Variants in SMIM35 observed in about 807,000 individuals in gnomAD.
The protein encoded by SMIM35 is small integral membrane protein 35.
At chr11:118,086,267 T>A (rs1380406607) in intron 1 of SMIM35, among the ~76,000 whole-genome samples, 1 of 152,238 alleles carries the variant, frequency 6.6e-6, no homozygotes, top group Non-Finnish European at 1.5e-5. Context: ...AACAGCAGGC[T>A]GGCAGGGGAT....
intron 1 of SMIM35, among the ~76,000 whole-genome samples, chr11:118,056,808 G>A (rs567198130): frequency 6.6e-6 from 1 of 152,318 alleles, no homozygotes; most frequent in East Asian, 1.9e-4. Flanking sequence ...AGGCAAGCGA[G>A]ATCATTTAAC....
intron 1 of SMIM35, among the ~76,000 whole-genome samples, chr11:118,052,351 G>A (rs1034047931): frequency 6.6e-6 from 1 of 152,130 alleles, no homozygotes; most frequent in African/African-American, 2.4e-5. Flanking sequence ...TGCAAGCGGG[G>A]AGCTGCTGAG....
At chr11:118,051,122 G>T (rs750408986) in intron 1 of SMIM35, among the ~76,000 whole-genome samples, 1 of 152,188 alleles carries the variant, frequency 6.6e-6, no homozygotes, top group African/African-American at 2.4e-5. Context: ...AGTGGATATC[G>T]GAGGCATTGT....
In SMIM35 at chr11:118,064,023, G is replaced by A. The variant is rs558767323; in HGVS notation, c.7+22728C>T. Reference sequence around the variant, plus strand: ...CCAGAGGCCTAGATTTGTAACTGGTGGGAAGGGAGTTGCGGTCTTGTGGCA... The same window carrying A: ...CCAGAGGCCTAGATTTGTAACTGGTAGGAAGGGAGTTGCGGTCTTGTGGCA... On this transcript the variant is annotated intron_variant, in intron 1 of 4. Transcript: ENST00000689828. Among the ~76,000 whole-genome samples the A allele has an allele frequency of 7.2e-5, 11 of 152,334 alleles. No individual in the cohort carries two copies. In the South Asian group the frequency reaches 2.1e-3, roughly 29 times the overall value.
chr11:118,068,159 A>G (rs1029473042), intron 1 of SMIM35, among the ~76,000 whole-genome samples: 2 of 151,940 alleles, frequency 1.3e-5, no homozygotes, highest in Non-Finnish European at 2.9e-5. Flanking sequence ...TCCCAGCACC[A>G]AGCTGCCACA....
chr11:118,066,656 G>A (rs1455622246), intron 1 of SMIM35, among the ~76,000 whole-genome samples: 1 of 151,998 alleles, frequency 6.6e-6, no homozygotes, highest in East Asian at 1.9e-4. Context: ...ACTAACATCA[G>A]GAGACTTGAG....
At chr11:118,085,442 C>T (rs1945473341) in intron 1 of SMIM35, among the ~76,000 whole-genome samples, 2 of 152,076 alleles carry the variant, frequency 1.3e-5, no homozygotes, top group Non-Finnish European at 2.9e-5. Flanking sequence ...CCAGGCTGGT[C>T]TCAAACTCCT....
chr11:118,058,412 G>A (rs565970206), intron 1 of SMIM35, among the ~76,000 whole-genome samples: 1 of 152,286 alleles, frequency 6.6e-6, no homozygotes, highest in South Asian at 2.1e-4. Flanking sequence ...ATGGACCCAA[G>A]GCGGGAGGGG....
chr11:118,076,201 G>T (rs1179230861), intron 1 of SMIM35, among the ~76,000 whole-genome samples: 2 of 152,224 alleles, frequency 1.3e-5, no homozygotes, highest in African/African-American at 2.4e-5. Context: ...GAACCTGGGA[G>T]GTGGAGGTTG....
At position 118,005,391 on chromosome 11, in the gene SMIM35, A is replaced by T. The variant is rs966518202; in HGVS notation, c.*1019T>A. The T allele has an allele frequency of 6.6e-6, 1 of 152,318 alleles. No homozygotes were observed. Among genetic ancestry groups the T allele is most frequent in the East Asian group, 1.9e-4 (1 of 5,184 alleles). The allele number at this position is 152,318 out of a possible 1,614,324, so 9.4% of individuals were successfully genotyped here. A position where few individuals can be genotyped will look rare whatever the true frequency, so the allele number is the denominator to read the frequency against. On this transcript the variant is annotated 3_prime_UTR_variant, in exon 5 of 5. Transcript: ENST00000689828. Reference sequence around the variant, plus strand: ...CACTGCCCCCTACTTGTTATCACCCAGTCCACACCTTTAAGTGTTATCTGG... The same window carrying T: ...CACTGCCCCCTACTTGTTATCACCCTGTCCACACCTTTAAGTGTTATCTGG...
chr11:118,082,980 A>T (rs1314748656), intron 1 of SMIM35, among the ~76,000 whole-genome samples: 2 of 152,164 alleles, frequency 1.3e-5, no homozygotes, highest in Non-Finnish European at 2.9e-5. Context: ...TATGGGACAC[A>T]GAGAGAAAAA....
At chr11:118,068,493 C>T (rs1431336872) in intron 1 of SMIM35, among the ~76,000 whole-genome samples, 2 of 152,274 alleles carry the variant, frequency 1.3e-5, no homozygotes, top group South Asian at 2.1e-4. Context: ...CGCTCGTAAA[C>T]GTTGGATGAA....
chr11:118,073,421 A>G (rs1481473696), intron 1 of SMIM35, among the ~76,000 whole-genome samples: 1 of 152,226 alleles, frequency 6.6e-6, no homozygotes, highest in Non-Finnish European at 1.5e-5. Flanking sequence ...TTGACCAGGG[A>G]GGATTCAGGT....
chr11:118,029,785 C>A (rs914441285), intron 1 of SMIM35: 1 of 457,096 alleles, frequency 2.2e-6, no homozygotes, highest in Admixed American at 2.3e-5. Flanking sequence ...TGAGGTCCTC[C>A]CCCAGGCTCT....
chr11:118,077,163 G>A (rs1177052513), intron 1 of SMIM35: 29 of 1,005,038 alleles, frequency 2.9e-5, no homozygotes, highest in Non-Finnish European at 3.7e-5. Context: ...CCCTGCACTC[G>A]GGCCTCCTCC....
chr11:118,060,633 C>A (rs921420102), intron 1 of SMIM35, among the ~76,000 whole-genome samples: 1 of 152,070 alleles, frequency 6.6e-6, no homozygotes, highest in Non-Finnish European at 1.5e-5. Flanking sequence ...TTCCTCTGGA[C>A]CCCCGGGGGT....
intron 1 of SMIM35, among the ~76,000 whole-genome samples, chr11:118,036,204 A>T (rs573274295): frequency 5.3e-5 from 8 of 152,204 alleles, no homozygotes; most frequent in East Asian, 3.9e-4. Flanking sequence ...GGTGATTTTT[A>T]AAAAACCATA....
Position 118,041,642 on chromosome 11 carries a change from CT to C in SMIM35, c.8-25834del, listed in dbSNP as rs572858690. Reference sequence around the variant, plus strand: ...AAAATAAAGACCCGGTACACCAAAACTTGTGGGATGCAATGATCAGAGAAAA... The same window carrying C: ...AAAATAAAGACCCGGTACACCAAAACTGTGGGATGCAATGATCAGAGAAAA... On this transcript the variant is annotated intron_variant, in intron 1 of 4. Coordinates refer to ENST00000689828, the MANE Select transcript of SMIM35 (RefSeq NM_001394165.1). Among the ~76,000 whole-genome samples the C allele has an allele frequency of 8.2e-4, 125 of 152,232 alleles. 1 individual carries two copies. In the Middle Eastern group the frequency reaches 0.01, roughly 12 times the overall value.
intron 1 of SMIM35, 53 bp downstream of exon 1, chr11:118,086,698 C>T (rs1216356111): frequency 6.5e-6 from 1 of 153,072 alleles, no homozygotes; most frequent in Non-Finnish European, 1.5e-5. Flanking sequence ...AGGAAACTCA[C>T]TCCCTCCTCT....
Sources: allele counts gnomAD v4.1 joint callset (sites outside exome capture counted in the v4.1 genomes callset), GRCh38; gene constraint gnomAD v4.1.1; transcripts MANE v1.5; gene names NCBI Gene and HGNC (gene_info 2026-07-23, HGNC 2026-07-21).